The following COL6A1 variants were observed in gnomAD, a reference collection of about 807,000 sequenced individuals.
The protein encoded by COL6A1 is collagen alpha-1(VI) chain.
COL6A1 carries 80 observed loss-of-function variants against 145.6 expected under a neutral mutation model. The observed-to-expected ratio is 0.55, with a 90% CI of 0.46 to 0.66. The LOEUF (loss-of-function observed/expected upper bound fraction) is 0.66. Among genes scored for constraint, COL6A1 ranks in the 30% least tolerant of loss-of-function variants. The pLI is 0.00. For synonymous variants in COL6A1, 638 were observed against 622.8 expected, an observed-to-expected ratio of 1.02 and a Z score of -0.36; for missense variants, 1,364 against 1,473.8, an observed-to-expected ratio of 0.93 and a Z score of 1.22.
chr21:45,998,089 T>C, intron 22 of COL6A1, 32 bp from the exon 23 acceptor site: 4 of 1,610,618 alleles, frequency 2.5e-6, no homozygotes, highest in Non-Finnish European at 3.4e-6. Context: ...GCCAGGCCGA[T>C]TCGCACGGTG....
At chr21:45,991,141 G>A (rs530425387) in intron 15 of COL6A1, 100 bp downstream of exon 15, 447 of 1,353,572 alleles carry the variant, frequency 3.3e-4, no homozygotes, top group Non-Finnish European at 4.0e-4. Context: ...CGAGCATGTC[G>A]GCCACCCGTG....
Position 45,989,598 on chromosome 21 carries a change from TG to T in COL6A1, c.859-9del, listed in dbSNP as rs1569518112. 6.2e-7 allele frequency: 1 copy of T among 1,612,748 alleles called. No individual in the cohort carries two copies. The highest frequency in any genetic ancestry group is 8.5e-7 in the Non-Finnish European group (1 of 1,179,910). On this transcript the variant is annotated splice_polypyrimidine_tract_variant and intron_variant, in intron 9 of 34. Coordinates refer to ENST00000361866, the MANE Select transcript of COL6A1 (RefSeq NM_001848.3). Reference sequence around the variant, plus strand: ...CCGGGGGTGTCTCACCATCTCCTCCTGTGTTCCAGGGAAGACCCGGGGACCT... The same window carrying T: ...CCGGGGGTGTCTCACCATCTCCTCCTTGTTCCAGGGAAGACCCGGGGACCT...
chr21:45,988,393 C>T (rs1348453497), intron 8 of COL6A1, among the ~76,000 whole-genome samples: 2 of 41,722 alleles, frequency 4.8e-5, no homozygotes, highest in East Asian at 5.7e-4. Context: ...ATGGAGGGGA[C>T]GGCGGGGTCC....
chr21:46,001,391 G>A lies in COL6A1; in HGVS notation c.1956+5G>A, dbSNP rs1603593961. 1.2e-6 allele frequency: 2 copies of A among 1,610,268 alleles called. No individual in the cohort carries two copies. The highest frequency in any genetic ancestry group is 1.7e-6 in the Non-Finnish European group (2 of 1,179,760). ...AGCCGGGACGAGCTGGTCAAGGTGAGGCCTCGCCCCGCCCGGCTTTCTCAA... is the reference window on the plus strand; with the variant it reads ...AGCCGGGACGAGCTGGTCAAGGTGAAGCCTCGCCCCGCCCGGCTTTCTCAA... On this transcript the variant is annotated splice_donor_5th_base_variant and intron_variant, in intron 30 of 34. Transcript: ENST00000361866.
chr21:45,982,465 C>A (rs1004881831), intron 1 of COL6A1, among the ~76,000 whole-genome samples, 169 bp from the exon 2 acceptor site: 21 of 152,270 alleles, frequency 1.4e-4, no homozygotes, highest in East Asian at 5.8e-4. Flanking sequence ...CACTCCACCC[C>A]CTCCCCACCG....
intron 24 of COL6A1, 43 bp downstream of exon 24, chr21:45,998,476 A>C: frequency 6.2e-7 from 1 of 1,612,548 alleles, no homozygotes; most frequent in Non-Finnish European, 8.5e-7. Flanking sequence ...GCACACAAAC[A>C]TTCACAGTCA....
chr21:45,985,712 C>T (rs147626530), intron 3 of COL6A1, among the ~76,000 whole-genome samples: 26 of 152,334 alleles, frequency 1.7e-4, no homozygotes, highest in African/African-American at 6.3e-4. Flanking sequence ...CCTGTCCAGC[C>T]AGGCGGTGCG....
chr21:46,001,450 T>A, intron 30 of COL6A1, 64 bp downstream of exon 30: 2 of 1,593,118 alleles, frequency 1.3e-6, no homozygotes, highest in Non-Finnish European at 1.7e-6. Context: ...CGGCCGCCCC[T>A]GCCCGCGCCA....
chr21:46,003,858 G>A lies in COL6A1; in HGVS notation c.2932G>A (p.Val978Met). ...EIFVVVVGRQ[V>M]NEPHIRVLVT... ...CTTCGTGGTGGTCGTGGGCCGCCAG[G>A]TGAATGAGCCCCACATCCGCGTCCT... is the stretch of plus-strand genomic sequence containing the variant. The change falls in exon 35 of 35, where the codon GTG (valine) becomes ATG (methionine). Residue 978 changes from valine to methionine, a missense_variant. Transcript: ENST00000361866. 1 of 1,600,846 alleles carries A rather than the reference G, an allele frequency of 6.2e-7. No individual in the cohort carries two copies. The highest frequency in any genetic ancestry group is 8.5e-7 in the Non-Finnish European group (1 of 1,170,666).
chr21:45,990,657 A>T, intron 13 of COL6A1, 116 bp from the exon 14 acceptor site: 1 of 963,352 alleles, frequency 1.0e-6, no homozygotes, highest in East Asian at 2.4e-5. Context: ...GGTGTCTGCT[A>T]GGCAGGGCTT....
At position 45,994,944 on chromosome 21, in the gene COL6A1, G is replaced by T. The variant is rs987102463; in HGVS notation, c.1398+715G>T. Among the ~76,000 whole-genome samples, 2 of 152,202 alleles carry T rather than the reference G, an allele frequency of 1.3e-5. No homozygotes were observed. Among genetic ancestry groups the T allele is most frequent in the South Asian group, 2.1e-4 (1 of 4,830 alleles). On this transcript the variant is annotated intron_variant, in intron 20 of 34. Transcript: ENST00000361866. This position sits in a 1 kb window ranked among gnomAD's most constrained non-coding sequence, Gnocchi z 6.8. ...GCTTCTGTGGACAAATCGACCTTAC[G>T]GCTCCATGTGCGCAGCTGCCCACAC...
At position 45,994,033 on chromosome 21, in the gene COL6A1, G is replaced by C; in HGVS notation, c.1336-134G>C. The C allele has an allele frequency of 1.1e-6, 1 of 899,984 alleles. No homozygotes were observed. Among genetic ancestry groups the C allele is most frequent in the Non-Finnish European group, 1.8e-6 (1 of 555,918 alleles). The allele number at this position is 899,984 out of a possible 1,614,324, so 55.7% of individuals were successfully genotyped here. On this transcript the variant is annotated intron_variant, in intron 19 of 34. Coordinates refer to ENST00000361866, the MANE Select transcript of COL6A1 (RefSeq NM_001848.3). The surrounding 1 kb of genome is among the most constrained non-coding windows in gnomAD (Gnocchi z 6.8). ...AGGAAACGCTTGGCGAGGCCAGGAAGGGGCTGTGCGGGGAGGGAAGGCCGG... is the reference window on the plus strand; with the variant it reads ...AGGAAACGCTTGGCGAGGCCAGGAACGGGCTGTGCGGGGAGGGAAGGCCGG...
Position 45,984,427 on chromosome 21 carries a change from C to T in COL6A1, c.386C>T (p.Thr129Ile). 1.2e-6 allele frequency: 2 copies of T among 1,612,328 alleles called. No homozygotes were observed. The highest frequency in any genetic ancestry group is 1.7e-6 in the Non-Finnish European group (2 of 1,179,950). The change falls in exon 3 of 35, where the codon ACC becomes ATC. Residue 129 changes from threonine to isoleucine, a missense_variant. This residue lies in a region of COL6A1 where 414 missense variants were observed against 437.6 expected (regional missense o/e 0.95). Transcript: ENST00000361866. Reference sequence around the variant, plus strand: ...AAGTACTTTGGGAAGGGCACCTACACCGACTGCGCTATCAAGAAGGGGCTG... The same window carrying T: ...AAGTACTTTGGGAAGGGCACCTACATCGACTGCGCTATCAAGAAGGGGCTG... Reference protein sequence around the residue: ...AVKYFGKGTYTDCAIKKGLEQ... With the variant: ...AVKYFGKGTYIDCAIKKGLEQ...
intron 17 of COL6A1, 60 bp from the exon 18 acceptor site, chr21:45,992,303 T>C (rs2077781361): frequency 6.2e-7 from 1 of 1,613,532 alleles, no homozygotes; most frequent in Non-Finnish European, 8.5e-7. Context: ...TCCACGTCCC[T>C]GAGACCAAAT....
At chr21:45,989,235 CAA>C in intron 9 of COL6A1, 98 bp downstream of exon 9, 1 of 1,280,674 alleles carries the variant, frequency 7.8e-7, no homozygotes, top group Non-Finnish European at 1.1e-6. Context: ...TTCTGAGTGC[CAA>C]AGTCACACTG....
chr21:45,991,981 G>A (rs2077779235), intron 15 of COL6A1, 29 bp from the exon 16 acceptor site: 3 of 1,558,700 alleles, frequency 1.9e-6, no homozygotes, highest in Non-Finnish European at 2.6e-6. Context: ...ACCCCTGCCA[G>A]CGTGTGTGAC....
At position 46,004,039 on chromosome 21, in the gene COL6A1, C is replaced by T. The variant is rs200200218; in HGVS notation, c.*26C>T. ...CCCACCCTGCACGCCGGCACCAAAC[C>T]CTGTCCTCCCACCCCTCCCCACTCA... On this transcript the variant is annotated 3_prime_UTR_variant, in exon 35 of 35. Transcript: ENST00000361866. The T allele has an allele frequency of 1.3e-5, 21 of 1,612,704 alleles. No homozygotes were observed. The African/African-American group carries it at 2.3e-4, about 17-fold the overall frequency.
intron 19 of COL6A1, among the ~76,000 whole-genome samples, chr21:45,993,857 T>A (rs2077790161): frequency 6.6e-6 from 1 of 152,092 alleles, no homozygotes; most frequent in Non-Finnish European, 1.5e-5. Context: ...GGGCCACAAG[T>A]CCATGGCTAC....
rs781164042 is a variant in COL6A1, at chr21:45,986,531, C to G, written c.434C>G (p.Ser145Cys). 35 of 1,559,076 alleles carry G rather than the reference C, an allele frequency of 2.2e-5. No individual in the cohort carries two copies. The highest frequency in any genetic ancestry group is 3.0e-5 in the Non-Finnish European group (34 of 1,151,622). The change falls in exon 4 of 35, where the codon TCC (serine) becomes TGC (cysteine). Residue 145 changes from serine (S) to cysteine (C), a missense_variant. By Grantham distance (112) the Ser-to-Cys change is moderately radical. This residue lies in a region of COL6A1 where 414 missense variants were observed against 437.6 expected (regional missense o/e 0.95). Coordinates refer to ENST00000361866, the MANE Select transcript of COL6A1 (RefSeq NM_001848.3). ...KGLEQLLVGG[S>C]HLKENKYLIV... ...CGCTGCCCTCTCCTGTCCAGGGGCT[C>G]CCACCTGAAGGAGAATAAGTACCTG...
Sources: gnomAD v4.1 joint callset for allele counts (sites outside exome capture counted in the v4.1 genomes callset) on GRCh38, gnomAD v4.1.1 for gene constraint, gnomAD v4.1.1 regional missense constraint, Gnocchi (gnomAD v3.1) non-coding constraint, MANE v1.5 for transcripts, NCBI Gene and HGNC (gene_info 2026-07-23, HGNC 2026-07-21) for gene names.